Variants in CLMN observed in about 807,000 individuals in gnomAD.
CLMN encodes calmin (calponin-like, transmembrane).
CLMN carries 57 observed loss-of-function variants against 92.7 expected under a neutral mutation model. The ratio of observed to expected loss-of-function variants is 0.61; its 90% CI spans 0.50 to 0.77. The LOEUF (loss-of-function observed/expected upper bound fraction) is 0.77, where lower values mean the gene tolerates loss of function less well. Ranked by LOEUF, CLMN falls within the 30% of genes least tolerant of loss-of-function variation. CLMN has a pLI of 0.00. For synonymous variants in CLMN, 466 were observed against 470.6 expected (o/e 0.99, Z 0.13); for missense variants, 1,158 against 1,237.5 (o/e 0.94, Z 0.96).
intron 1 of CLMN, among the ~76,000 whole-genome samples, chr14:95,318,648 C>A (rs1490625435): frequency 6.6e-6 from 1 of 152,134 alleles, no homozygotes; most frequent in Non-Finnish European, 1.5e-5. Context: ...CCTCCCAGCT[C>A]GCTCCTAGCC....
intron 1 of CLMN, among the ~76,000 whole-genome samples, chr14:95,306,937 A>C (rs1338442614): frequency 6.6e-6 from 1 of 152,240 alleles, no homozygotes; most frequent in African/African-American, 2.4e-5. Flanking sequence ...CAATACATGC[A>C]TGTTATTTAG....
At chr14:95,193,548 C>T in intron 12 of CLMN, 1 of 676,640 alleles carries the variant, frequency 1.5e-6, no homozygotes, top group Non-Finnish European at 2.5e-6. Context: ...ACTAAACCAC[C>T]CTATACTCTA....
Position 95,259,264 on chromosome 14 carries a change from A to G in CLMN, c.83-29131T>C, listed in dbSNP as rs115599214. The stretch of plus-strand genomic sequence containing the variant: ...TATAGACAACCACTGCTCTTCCCCA[A>G]TGTCAGTGGGAATGGAGGGGTAAAC... On this transcript the variant is annotated intron_variant, in intron 1 of 12. Transcript: ENST00000298912. The surrounding 1 kb of genome is among the most constrained non-coding windows in gnomAD (Gnocchi z 4.3). 4.9e-3 allele frequency among the ~76,000 whole-genome samples: 746 copies of G among 152,174 alleles called. 6 individuals carry two copies. Among genetic ancestry groups the G allele is most frequent in the African/African-American group, 0.017 (691 of 41,482 alleles).
Position 95,203,526 on chromosome 14 carries a change from C to G in CLMN, c.1823G>C (p.Arg608Thr), listed in dbSNP as rs1217626225. The change falls in exon 9 of 13, where the codon AGG becomes ACG. Residue 608 changes from arginine to threonine, a missense_variant. By Grantham distance (71) the Arg-to-Thr change is moderately conservative. Coordinates refer to ENST00000298912, the MANE Select transcript of CLMN (RefSeq NM_024734.4). ...CTTTTTGTGAGCAGATTTAATACTC[C>G]TTTTACCTAGTTTTTCAGCATGATT... ...FENHAEKLGK[R>T]SIKSAHKKKD... is the part of the protein sequence containing the mutation. 1.2e-6 allele frequency: 2 copies of G among 1,614,142 alleles called. No homozygotes were observed. The highest frequency in any genetic ancestry group is 2.2e-5 in the East Asian group (1 of 44,880).
chr14:95,311,917 T>C (rs1022171470), intron 1 of CLMN, among the ~76,000 whole-genome samples: 3 of 152,070 alleles, frequency 2.0e-5, no homozygotes, highest in Admixed American at 1.3e-4. Context: ...CTGTGACTCA[T>C]GCGGGCCTCT....
intron 1 of CLMN, among the ~76,000 whole-genome samples, chr14:95,232,262 T>G (rs1282584391): frequency 6.6e-6 from 1 of 152,224 alleles, no homozygotes; most frequent in Non-Finnish European, 1.5e-5. Flanking sequence ...GAAACTTCCT[T>G]CAATATCTGA....
chr14:95,203,228 G>A lies in CLMN; in HGVS notation c.2121C>T (p.Gly707=). ...LETLGSHSEE[G]LDFKPSPPLS... ...GGGGTGGGGAGGGCTTGAAATCCAGGCCTTCTTCGCTGTGACTCCCAAGGG... is the reference window on the plus strand; with the variant it reads ...GGGGTGGGGAGGGCTTGAAATCCAGACCTTCTTCGCTGTGACTCCCAAGGG... Residue 707 remains glycine, a synonymous_variant, in exon 9 of 13, where the codon GGC becomes GGT. Coordinates refer to ENST00000298912, the MANE Select transcript of CLMN (RefSeq NM_024734.4). 1 of 1,613,808 alleles carries A rather than the reference G, an allele frequency of 6.2e-7. No individual in the cohort carries two copies. The highest frequency in any genetic ancestry group is 1.1e-5 in the South Asian group (1 of 91,070).
chr14:95,213,488 TGGACCATGGCTGGAG>T, intron 5 of CLMN, 79 bp from the exon 6 acceptor site: 1 of 1,379,616 alleles, frequency 7.2e-7, no homozygotes, highest in Non-Finnish European at 9.9e-7. Context: ...GGTGGCCATA[TGGACCATGGCTGGAG>T]GGACCGGCTC....
At chr14:95,279,678 G>T (rs1020587615) in intron 1 of CLMN, among the ~76,000 whole-genome samples, 1 of 152,222 alleles carries the variant, frequency 6.6e-6, no homozygotes, top group Non-Finnish European at 1.5e-5. Flanking sequence ...AGCTCCTCGG[G>T]AGGATGAGGC....
intron 1 of CLMN, among the ~76,000 whole-genome samples, chr14:95,251,271 T>G (rs989515591): frequency 4.6e-5 from 7 of 152,194 alleles, no homozygotes; most frequent in Admixed American, 3.9e-4. Flanking sequence ...CATGTGATAT[T>G]CATTTTGTGG....
intron 6 of CLMN, among the ~76,000 whole-genome samples, chr14:95,212,198 G>A (rs1897218207): frequency 6.6e-6 from 1 of 152,272 alleles, no homozygotes; most frequent in African/African-American, 2.4e-5. Flanking sequence ...GGCTGGCACT[G>A]TGCAAGGTGC....
intron 1 of CLMN, among the ~76,000 whole-genome samples, chr14:95,241,863 C>T (rs1179947569): frequency 1.3e-5 from 2 of 152,046 alleles, no homozygotes; most frequent in African/African-American, 2.4e-5. Flanking sequence ...GGAACACACA[C>T]GCACGCACAC....
intron 1 of CLMN, among the ~76,000 whole-genome samples, chr14:95,238,190 C>T (rs1252696121): frequency 6.6e-6 from 1 of 152,236 alleles, no homozygotes; most frequent in Non-Finnish European, 1.5e-5. Context: ...GTGGCCCAGC[C>T]CCGCTTGGTG....
At chr14:95,267,484 T>C (rs1031673037) in intron 1 of CLMN, among the ~76,000 whole-genome samples, 1 of 152,186 alleles carries the variant, frequency 6.6e-6, no homozygotes, top group Non-Finnish European at 1.5e-5. Context: ...CACAGTGAGA[T>C]ATCATCTCAC....
In CLMN at chr14:95,213,619, C is replaced by T. The variant is rs553396786; in HGVS notation, c.418-210G>A. The stretch of plus-strand genomic sequence containing the variant: ...TCCGTTTCTTGTGGCTTGTGGTACA[C>T]GTAATTACACTCTATAGGGAGGACC... On this transcript the variant is annotated intron_variant, in intron 5 of 12. Coordinates refer to ENST00000298912, the MANE Select transcript of CLMN (RefSeq NM_024734.4). Among the ~76,000 whole-genome samples the T allele has an allele frequency of 1.6e-3, 242 of 152,152 alleles. 1 individual carries two copies. Among genetic ancestry groups the T allele is most frequent in the Non-Finnish European group, 2.5e-3 (168 of 67,990 alleles).
rs1896377919 is a variant in CLMN, at chr14:95,183,723, AC to A, written c.*7840del. The stretch of plus-strand genomic sequence containing the variant: ...GGACACTGAGATTTTACTGCAAAAG[AC>A]CCTTTCAAGGCGGCCATTTTGGTTG... On this transcript the variant is annotated 3_prime_UTR_variant, in exon 13 of 13. Coordinates refer to ENST00000298912, the MANE Select transcript of CLMN (RefSeq NM_024734.4). 6.6e-6 allele frequency: 1 copy of A among 152,172 alleles called. No individual in the cohort carries two copies. The highest frequency in any genetic ancestry group is 2.4e-5 in the African/African-American group (1 of 41,442). The allele number at this position is 152,172 out of a possible 1,614,324, so 9.4% of individuals were successfully genotyped here. A position where few individuals can be genotyped will look rare whatever the true frequency, so the allele number is the denominator to read the frequency against.
At chr14:95,235,413 G>A (rs1402833514) in intron 1 of CLMN, among the ~76,000 whole-genome samples, 1 of 152,180 alleles carries the variant, frequency 6.6e-6, no homozygotes, top group Non-Finnish European at 1.5e-5. Flanking sequence ...GTCATCTTTG[G>A]GTGGGGTAGA....
intron 2 of CLMN, among the ~76,000 whole-genome samples, chr14:95,224,729 A>G (rs1392805278): frequency 6.6e-6 from 1 of 152,238 alleles, no homozygotes; most frequent in Admixed American, 6.5e-5. Context: ...TCCACACAGC[A>G]ATGACAAGAC....
In CLMN at chr14:95,259,640, G is replaced by A. The variant is rs1304255198; in HGVS notation, c.83-29507C>T. On this transcript the variant is annotated intron_variant, in intron 1 of 12. Transcript: ENST00000298912. The surrounding 1 kb of genome is among the most constrained non-coding windows in gnomAD (Gnocchi z 4.3). ...CTAGGAGAGGAGATCACTTGCACAG[G>A]GCCCACCCCCACCCCCAGGTGGGAC... Among the ~76,000 whole-genome samples the A allele has an allele frequency of 6.6e-6, 1 of 151,960 alleles. No individual in the cohort carries two copies. Among genetic ancestry groups the A allele is most frequent in the Non-Finnish European group, 1.5e-5 (1 of 67,968 alleles).
Sources: allele counts gnomAD v4.1 joint callset (sites outside exome capture counted in the v4.1 genomes callset), GRCh38; gene constraint gnomAD v4.1.1; non-coding constraint Gnocchi (gnomAD v3.1); transcripts MANE v1.5; gene names NCBI Gene and HGNC (gene_info 2026-07-23, HGNC 2026-07-21).